Variants in TDRD10 observed in about 807,000 individuals in gnomAD.
TDRD10 encodes tudor domain containing 10.
Under a neutral mutation model 48.0 loss-of-function variants are expected in TDRD10, and 40 were observed. The observed-to-expected ratio is 0.83, with a 90% CI of 0.65 to 1.09. The LOEUF (loss-of-function observed/expected upper bound fraction) is 1.09, where lower values mean the gene tolerates loss of function less well. TDRD10 is among the 50% of genes least tolerant of loss of function. The pLI is 0.00. For missense variants in TDRD10, 378 were observed against 434.7 expected, an observed-to-expected ratio of 0.87 and a Z score of 1.16; for synonymous variants, 162 against 170.4, an observed-to-expected ratio of 0.95 and a Z score of 0.38.
chr1:154,506,723 G>A lies in TDRD10; in HGVS notation c.-27-154G>A, dbSNP rs1009222485. 5.3e-5 allele frequency among the ~76,000 whole-genome samples: 8 copies of A among 152,214 alleles called. No individual in the cohort carries two copies. In the South Asian group the frequency reaches 6.2e-4, roughly 12 times the overall value. On this transcript the variant is annotated intron_variant, in intron 1 of 12. Transcript: ENST00000368482. Reference sequence around the variant, plus strand: ...CCTTAACTCCATCTGCAACCTTGCCGTGAAATCTAATACATTCATAGGTTC... The same window carrying A: ...CCTTAACTCCATCTGCAACCTTGCCATGAAATCTAATACATTCATAGGTTC...
chr1:154,503,426 A>G (rs1385734367), intron 1 of TDRD10, among the ~76,000 whole-genome samples: 1 of 152,078 alleles, frequency 6.6e-6, no homozygotes, highest in African/African-American at 2.4e-5. Flanking sequence ...GGTCTCTACT[A>G]AAAATACAAA....
At chr1:154,520,215 C>A in intron 4 of TDRD10, 89 bp from the exon 5 acceptor site, 1 of 912,064 alleles carries the variant, frequency 1.1e-6, no homozygotes, top group Non-Finnish European at 1.8e-6. Context: ...TAAATTGAGT[C>A]CAGACTAGCT....
At position 154,521,431 on chromosome 1, in the gene TDRD10, G is replaced by GC. The variant is rs781235407; in HGVS notation, c.327dup (p.Lys110GlnfsTer5). ...AACTGTTCGTGAATACAAGCAAAAG[G>GC]CCCCCCAAGAGGACCCCTGATATGA... On this transcript the variant is annotated frameshift_variant, in exon 6 of 13. Transcript: ENST00000368482. LOFTEE classifies it high-confidence loss of function. 6.8e-6 allele frequency: 11 copies of GC among 1,613,986 alleles called. No individual in the cohort carries two copies. The highest frequency in any genetic ancestry group is 4.0e-5 in the African/African-American group (3 of 74,902).
At chr1:154,543,740 C>G (rs1456465377) in intron 8 of TDRD10, among the ~76,000 whole-genome samples, 5 of 152,144 alleles carry the variant, frequency 3.3e-5, no homozygotes, top group Non-Finnish European at 5.9e-5. Context: ...ACTCTTCAAC[C>G]CCTACGCCCC....
At chr1:154,508,581 GAGAGCTATGATAGTGCAGAC>G in intron 4 of TDRD10, 100 bp downstream of exon 4, 2 of 827,672 alleles carry the variant, frequency 2.4e-6, no homozygotes, top group Non-Finnish European at 4.2e-6. Flanking sequence ...AAAGACGTTT[GAGAGCTATGATAGTGCAGAC>G]AGTCACTCGT....
intron 9 of TDRD10, 81 bp from the exon 10 acceptor site, chr1:154,544,291 C>T (rs1458530239): frequency 2.6e-6 from 4 of 1,544,000 alleles, no homozygotes; most frequent in Non-Finnish European, 3.5e-6. Flanking sequence ...ATTAGCGGTG[C>T]TAACATAACA....
At chr1:154,507,444 C>T in intron 3 of TDRD10, 124 bp downstream of exon 3, 1 of 1,149,986 alleles carries the variant, frequency 8.7e-7, no homozygotes, top group Non-Finnish European at 1.3e-6. Flanking sequence ...CTAGATTCTG[C>T]TCTTCCTCCA....
rs1695307993 is a variant in TDRD10, at chr1:154,542,665, G to C, written c.413-66G>C. 36 of 1,363,376 alleles carry C rather than the reference G, an allele frequency of 2.6e-5. 2 individuals are homozygous for C. The South Asian group carries it at 4.2e-4, about 16-fold the overall frequency. The allele number at this position is 1,363,376 out of a possible 1,614,324, so 84.5% of individuals were successfully genotyped here. On this transcript the variant is annotated intron_variant, in intron 7 of 12. Transcript: ENST00000368482. ...GAGGGCAGGGCCAAGGCCTCTTGTG[G>C]GTTAGGGGAGCAATTCCTCTCTGGG...
intron 7 of TDRD10, 125 bp downstream of exon 7, chr1:154,542,191 C>G (rs2149352100): frequency 1.1e-6 from 1 of 891,874 alleles, no homozygotes; most frequent in Middle Eastern, 3.3e-4. Context: ...GTAGAAATAT[C>G]CCTTTTCCCT....
At chr1:154,525,030 C>T (rs962084468) in intron 6 of TDRD10, among the ~76,000 whole-genome samples, 1 of 152,216 alleles carries the variant, frequency 6.6e-6, no homozygotes, top group Non-Finnish European at 1.5e-5. Flanking sequence ...GGCTCTGTTT[C>T]CCTTTGCTGT....
At chr1:154,515,942 C>T (rs1693740042) in intron 4 of TDRD10, among the ~76,000 whole-genome samples, 1 of 152,132 alleles carries the variant, frequency 6.6e-6, no homozygotes, top group South Asian at 2.1e-4. Context: ...ATCTCAAACT[C>T]CTGACCTCAG....
chr1:154,514,354 A>G (rs1195553330), intron 4 of TDRD10, among the ~76,000 whole-genome samples: 1 of 152,152 alleles, frequency 6.6e-6, no homozygotes, highest in Non-Finnish European at 1.5e-5. Context: ...TTAGTTTGAT[A>G]ATGGTCTAGT....
intron 1 of TDRD10, among the ~76,000 whole-genome samples, chr1:154,503,443 C>T (rs922060546): frequency 1.3e-5 from 2 of 152,042 alleles, no homozygotes; most frequent in Non-Finnish European, 2.9e-5. Flanking sequence ...CAAAAATTAG[C>T]CGGGCGTGGT....
Position 154,521,402 on chromosome 1 carries a change from C to T in TDRD10, c.292C>T (p.Arg98Ter), listed in dbSNP as rs141785787. The T allele has an allele frequency of 1.6e-5, 26 of 1,614,152 alleles. No homozygotes were observed. Among genetic ancestry groups the T allele is most frequent in the East Asian group, 1.3e-4 (6 of 44,882 alleles). ...QELNGKLFHK[R>*]KLFVNTSKRP... is the part of the protein sequence containing the mutation. ...GCTGAATGGTAAACTCTTCCACAAGCGAAAACTGTTCGTGAATACAAGCAA... is the reference window on the plus strand; with the variant it reads ...GCTGAATGGTAAACTCTTCCACAAGTGAAAACTGTTCGTGAATACAAGCAA... Residue 98 changes from arginine to a stop codon, truncating the protein, a stop_gained, in exon 6 of 13, where the codon CGA becomes TGA. Coordinates refer to ENST00000368482, the MANE Select transcript of TDRD10 (RefSeq NM_182499.4). LOFTEE classifies it high-confidence loss of function.
intron 11 of TDRD10, among the ~76,000 whole-genome samples, chr1:154,547,006 G>A (rs1238629064): frequency 1.3e-5 from 2 of 152,032 alleles, no homozygotes; most frequent in African/African-American, 4.8e-5. Flanking sequence ...CTCCCTGCCT[G>A]GTTCCAGCAT....
chr1:154,515,288 G>A (rs192853523), intron 4 of TDRD10, among the ~76,000 whole-genome samples: 3 of 152,138 alleles, frequency 2.0e-5, no homozygotes, highest in African/African-American at 4.8e-5. Context: ...ATGAGCCACC[G>A]CACCCAGCCA....
chr1:154,532,721 G>A (rs1352463120), intron 6 of TDRD10, among the ~76,000 whole-genome samples: 2 of 152,166 alleles, frequency 1.3e-5, no homozygotes, highest in Non-Finnish European at 2.9e-5. Context: ...TTCTTGTTAC[G>A]TTGCTAGACT....
At chr1:154,530,457 G>C (rs904389384) in intron 6 of TDRD10, among the ~76,000 whole-genome samples, 1 of 143,604 alleles carries the variant, frequency 7.0e-6, no homozygotes, top group Non-Finnish European at 1.5e-5. Context: ...TGAAACAGAG[G>C]TGGGGTTTCA....
chr1:154,547,399 T>C lies in TDRD10; in HGVS notation c.953-10T>C. On this transcript the variant is annotated splice_polypyrimidine_tract_variant and intron_variant, in intron 11 of 12. Coordinates refer to ENST00000368482, the MANE Select transcript of TDRD10 (RefSeq NM_182499.4). ...CCACTGAGGTTTTGTTGTTGTGTCT[T>C]GTTTTGCAGACATTTTGAGTTCGTA... is the stretch of plus-strand genomic sequence containing the variant. 1.2e-6 allele frequency: 2 copies of C among 1,614,188 alleles called. No homozygotes were observed. Among genetic ancestry groups the C allele is most frequent in the Middle Eastern group, 1.6e-4 (1 of 6,062 alleles).
Sources: gnomAD v4.1 joint callset for allele counts (sites outside exome capture counted in the v4.1 genomes callset) on GRCh38, gnomAD v4.1.1 for gene constraint, MANE v1.5 for transcripts, NCBI Gene and HGNC (gene_info 2026-07-23, HGNC 2026-07-21) for gene names.